PIR: variants seen among roughly 807,000 people sequenced by gnomAD.
PIR encodes pirin, also known as pirin (iron-binding nuclear protein).
Under a neutral mutation model 24.2 loss-of-function variants are expected in PIR, and 22 were observed. The ratio of observed to expected loss-of-function variants is 0.91; its 90% CI spans 0.65 to 1.30. The LOEUF is 1.30. Among genes scored for constraint, PIR ranks in the 50% most tolerant of loss-of-function variants. The probability of loss-of-function intolerance (pLI) is 0.00; values close to 1 mark genes in which losing one functional copy is unlikely to be tolerated. For missense variants in PIR, 220 were observed against 220.3 expected, an observed-to-expected ratio of 1.00 and a Z score of 0.01; for synonymous variants, 80 against 79.6, an observed-to-expected ratio of 1.00 and a Z score of -0.03.
chrX:15,397,792 T>C (rs1439683822), intron 7 of PIR, among the ~76,000 whole-genome samples: 1 of 112,216 alleles, frequency 8.9e-6, no homozygotes, highest in African/African-American at 3.2e-5. Context: ...GCAAAGTCCT[T>C]GGCATTATGT....
chrX:15,420,359 G>A (rs1483285814), intron 6 of PIR, among the ~76,000 whole-genome samples: 1 of 112,060 alleles, frequency 8.9e-6, no homozygotes, highest in African/African-American at 3.2e-5. Context: ...TGAGAGCAGA[G>A]CAAAAATGAA....
chrX:15,489,886 CAA>C (rs753770947), intron 2 of PIR, among the ~76,000 whole-genome samples: 2 of 111,701 alleles, frequency 1.8e-5, no homozygotes, highest in East Asian at 5.6e-4. Context: ...CTCACAGAAG[CAA>C]AGAGTAGAAT....
At chrX:15,452,558 G>C (rs945342061) in intron 5 of PIR, among the ~76,000 whole-genome samples, 1 of 112,074 alleles carries the variant, frequency 8.9e-6, no homozygotes, top group African/African-American at 3.2e-5. Context: ...TTTTGTGGAT[G>C]TCGGGACTGA....
At chrX:15,486,507 T>C (rs927162879) in intron 2 of PIR, among the ~76,000 whole-genome samples, 5 of 110,867 alleles carry the variant, frequency 4.5e-5, no homozygotes, top group African/African-American at 1.6e-4. Context: ...TAAAAGGTAC[T>C]CCATAATATA....
chrX:15,385,452 T>C (rs1315157013), intron 9 of PIR, among the ~76,000 whole-genome samples: 1 of 112,224 alleles, frequency 8.9e-6, no homozygotes, highest in African/African-American at 3.2e-5. Flanking sequence ...GTTATTTTTA[T>C]AACATTAGCT....
rs201006798 is a variant in PIR, at chrX:15,431,679, C to CG, written c.481-5690_481-5689insC. Among the ~76,000 whole-genome samples, 549 of 104,995 alleles carry CG rather than the reference C, an allele frequency of 5.2e-3. 11 individuals are homozygous for CG. Among genetic ancestry groups the CG allele is most frequent in the African/African-American group, 0.017 (496 of 28,456 alleles). The allele number at this position is 104,995 out of a possible 115,157, so 91.2% of individuals were successfully genotyped here. Reference sequence around the variant, plus strand: ...AAAGTTAAAAAATAACCACCCCCCCCCCGAAAACCTTTGGAAAATGGACAA... The same window carrying CG: ...AAAGTTAAAAAATAACCACCCCCCCCGCCGAAAACCTTTGGAAAATGGACAA... On this transcript the variant is annotated intron_variant, in intron 5 of 9. Transcript: ENST00000380420.
At chrX:15,387,216 C>T (rs1923799008) in intron 9 of PIR, among the ~76,000 whole-genome samples, 1 of 105,989 alleles carries the variant, frequency 9.4e-6, no homozygotes, top group Non-Finnish European at 1.9e-5. Flanking sequence ...ACACCTCAGC[C>T]TCCCCAGTAG....
At chrX:15,476,780 T>C (rs1922218712) in intron 3 of PIR, among the ~76,000 whole-genome samples, 1 of 111,851 alleles carries the variant, frequency 8.9e-6, no homozygotes, top group East Asian at 2.8e-4. Flanking sequence ...AGCATTATTT[T>C]TCACTTGTAA....
At chrX:15,412,718 C>G (rs1924784273) in intron 6 of PIR, among the ~76,000 whole-genome samples, 1 of 111,998 alleles carries the variant, frequency 8.9e-6, no homozygotes, top group Non-Finnish European at 1.9e-5. Flanking sequence ...GCCCCGCCTC[C>G]ATATTTAATT....
Position 15,385,083 on chromosome X carries a change from GA to G in PIR, c.793del (p.Ser265LeufsTer35). On this transcript the variant is annotated frameshift_variant, in exon 10 of 10. Coordinates refer to ENST00000380420, the MANE Select transcript of PIR (RefSeq NM_001018109.3). LOFTEE classifies it high-confidence loss of function. ...PFVMNTNEEI[S>X]QAILDFRNAK... is the part of the protein sequence containing the mutation. ...GTTTCTGAAATCAAGAATAGCTTGA[GA>G]AATCTCTTCATTGGTGTTCATCACA... 8.4e-7 allele frequency: 1 copy of G among 1,187,073 alleles called. No individual in the cohort carries two copies. The highest frequency in any genetic ancestry group is 1.8e-5 in the South Asian group (1 of 56,194).
intron 3 of PIR, 80 bp downstream of exon 3, chrX:15,479,649 C>T: frequency 2.2e-6 from 1 of 451,756 alleles, no homozygotes; most frequent in Non-Finnish European, 3.7e-6. Context: ...TTATTTATTG[C>T]TTTTAAAATT....
intron 5 of PIR, among the ~76,000 whole-genome samples, chrX:15,434,469 A>G (rs1026149726): frequency 3.6e-5 from 4 of 110,090 alleles, no homozygotes; most frequent in Non-Finnish European, 7.6e-5. Flanking sequence ...AGGGAGAGGG[A>G]GAGGGAGAGG....
Position 15,393,632 on chromosome X carries a change from C to G in PIR, c.694-3381G>C, listed in dbSNP as rs188618750. Among the ~76,000 whole-genome samples the G allele has an allele frequency of 3.0e-4, 33 of 110,641 alleles. 2 individuals are homozygous for G. The highest frequency in any genetic ancestry group is 2.8e-3 in the Admixed American group (29 of 10,272). The stretch of plus-strand genomic sequence containing the variant: ...GTCAGATCAGCAGTGGTGCTGGATT[C>G]TCATAGGAGCACAAATCCTGTTGTG... On this transcript the variant is annotated intron_variant, in intron 8 of 9. Transcript: ENST00000380420.
rs924733991 is a variant in PIR at position 15,384,880 on chromosome X, C to T, written c.*124G>A. ...TATTGTTACAAAAACCATGTTATCA[C>T]GTTAGTGTGGAATTCTTTAGAAGCA... On this transcript the variant is annotated 3_prime_UTR_variant, in exon 10 of 10. Transcript: ENST00000380420. 2.5e-5 allele frequency: 10 copies of T among 401,539 alleles called. No individual in the cohort carries two copies. Among genetic ancestry groups the T allele is most frequent in the African/African-American group, 7.6e-5 (3 of 39,394 alleles). 33.1% of individuals were successfully genotyped at this position (401,539 alleles called of 1,213,427 possible).
At chrX:15,390,066 T>C (rs978876866) in intron 9 of PIR, 119 bp downstream of exon 9, 16 of 340,861 alleles carry the variant, frequency 4.7e-5, no homozygotes, top group Non-Finnish European at 6.7e-5. Flanking sequence ...TCCTCAGATT[T>C]ATAGATGGAG....
At chrX:15,386,798 C>T (rs1052950367) in intron 9 of PIR, among the ~76,000 whole-genome samples, 4 of 110,683 alleles carry the variant, frequency 3.6e-5, no homozygotes, top group African/African-American at 1.3e-4. Context: ...GAAACCAGAC[C>T]CTTCTGGGCT....
chrX:15,434,049 G>T (rs1925644285), intron 5 of PIR, among the ~76,000 whole-genome samples: 1 of 72,185 alleles, frequency 1.4e-5, no homozygotes, highest in African/African-American at 5.4e-5. Context: ...GGAGAAAGAA[G>T]GAGGAGGAGG....
At chrX:15,437,031 G>T (rs1274650206) in intron 5 of PIR, among the ~76,000 whole-genome samples, 1 of 111,906 alleles carries the variant, frequency 8.9e-6, no homozygotes, top group Non-Finnish European at 1.9e-5. Flanking sequence ...ATGAGCTAAG[G>T]CATTCCCTAA....
chrX:15,397,618 A>C, intron 7 of PIR, 87 bp from the exon 8 acceptor site: 1 of 546,232 alleles, frequency 1.8e-6, no homozygotes, highest in African/African-American at 2.3e-5. Flanking sequence ...ATAGCACCAC[A>C]ACATTTATTT....
Sources: allele counts gnomAD v4.1 joint callset (sites outside exome capture counted in the v4.1 genomes callset), GRCh38; gene constraint gnomAD v4.1.1; transcripts MANE v1.5; gene names NCBI Gene and HGNC (gene_info 2026-07-23, HGNC 2026-07-21).